Variants in IGF1R observed in about 807,000 individuals in gnomAD.
IGF1R encodes insulin-like growth factor 1 receptor.
In IGF1R, 44 loss-of-function variants were observed where a neutral mutation model predicts 144.6. The observed-to-expected ratio is 0.30, with a 90% confidence interval of 0.24 to 0.39. The LOEUF (loss-of-function observed/expected upper bound fraction) is 0.39. IGF1R is among the 10% of genes least tolerant of loss of function. The pLI, the probability that IGF1R is intolerant of heterozygous loss-of-function variation, is 1.00. For missense variants in IGF1R, 1,355 were observed against 1,833.7 expected, an observed-to-expected ratio of 0.74 and a Z score of 4.77; for synonymous variants, 795 against 722.8, an observed-to-expected ratio of 1.10 and a Z score of -1.60.
Position 98,960,907 on chromosome 15 carries a change from C to T in IGF1R, c.*3465C>T, listed in dbSNP as rs1263531562. 4 of 234,010 alleles carry T rather than the reference C, an allele frequency of 1.7e-5. No individual in the cohort carries two copies. The highest frequency in any genetic ancestry group is 2.5e-3 in the Middle Eastern group (2 of 790). The allele number at this position is 234,010 out of a possible 1,614,324, so 14.5% of individuals were successfully genotyped here. On this transcript the variant is annotated 3_prime_UTR_variant, in exon 21 of 21. Coordinates refer to ENST00000650285, the MANE Select transcript of IGF1R (RefSeq NM_000875.5). ...GGCGCCGAGGCTCGTGGCGTCACGCCCCCCCCGCCAGGGCTGTACCTCCGT... is the reference window on the plus strand; with the variant it reads ...GGCGCCGAGGCTCGTGGCGTCACGCTCCCCCCGCCAGGGCTGTACCTCCGT...
intron 2 of IGF1R, among the ~76,000 whole-genome samples, chr15:98,768,785 G>T (rs1205352653): frequency 2.0e-5 from 1 of 48,794 alleles, no homozygotes; most frequent in Non-Finnish European, 5.4e-5. Context: ...AAAAAAAGCC[G>T]GGCGCGGTGC....
rs754967565 is a variant in IGF1R at position 98,911,299 on chromosome 15, G to A, written c.1463-16G>A. On this transcript the variant is annotated splice_polypyrimidine_tract_variant and intron_variant, in intron 6 of 20. Coordinates refer to ENST00000650285, the MANE Select transcript of IGF1R (RefSeq NM_000875.5). ...ACATGAATCTCTGTCACTCACGGATGTACTCTTTGCCCCAGGTGAAAGTGA... is the reference window on the plus strand; with the variant it reads ...ACATGAATCTCTGTCACTCACGGATATACTCTTTGCCCCAGGTGAAAGTGA... 6 of 1,613,942 alleles carry A rather than the reference G, an allele frequency of 3.7e-6. No individual in the cohort carries two copies. The Admixed American group carries it at 8.3e-5, about 22-fold the overall frequency.
intron 2 of IGF1R, among the ~76,000 whole-genome samples, chr15:98,839,402 C>G (rs2011138123): frequency 6.6e-6 from 1 of 152,178 alleles, no homozygotes; most frequent in South Asian, 2.1e-4. Flanking sequence ...ACCACCATCA[C>G]CACCCACCCT....
intron 1 of IGF1R, among the ~76,000 whole-genome samples, chr15:98,665,176 C>T (rs1007835393): frequency 6.6e-6 from 1 of 152,164 alleles, no homozygotes; most frequent in Non-Finnish European, 1.5e-5. Flanking sequence ...TGGTCTTGAT[C>T]TCCTGACCTT....
chr15:98,774,899 C>A (rs186517506), intron 2 of IGF1R, among the ~76,000 whole-genome samples: 1 of 152,048 alleles, frequency 6.6e-6, no homozygotes, highest in Non-Finnish European at 1.5e-5. Flanking sequence ...GAGTAGTACT[C>A]GACTCATTAT....
intron 2 of IGF1R, among the ~76,000 whole-genome samples, chr15:98,843,073 A>G (rs2011203434): frequency 6.6e-6 from 1 of 152,172 alleles, no homozygotes; most frequent in Non-Finnish European, 1.5e-5. Context: ...TGCGTCATTA[A>G]GTTGTGCCTC....
In IGF1R at chr15:98,913,127, C is replaced by T. The variant is rs1225027488; in HGVS notation, c.1673C>T (p.Pro558Leu). The T allele has an allele frequency of 6.2e-7, 1 of 1,614,214 alleles. No homozygotes were observed. Among genetic ancestry groups the T allele is most frequent in the Non-Finnish European group, 8.5e-7 (1 of 1,180,024 alleles). ...SWNMVDVDLP[P>L]NKDVEPGILL... ...AACATGGTGGACGTGGACCTCCCGC[C>T]CAACAAGGACGTGGAGCCCGGCATC... is the stretch of plus-strand genomic sequence containing the variant. Residue 558 changes from proline to leucine, a missense_variant, in exon 8 of 21, where the codon CCC (proline) becomes CTC (leucine). Around this residue, in one of 7 missense-constraint regions of IGF1R, gnomAD observed 880 missense variants for 1,202.7 expected, o/e 0.73. Coordinates refer to ENST00000650285, the MANE Select transcript of IGF1R (RefSeq NM_000875.5).
chr15:98,758,244 C>T (rs1344845065), intron 2 of IGF1R, among the ~76,000 whole-genome samples: 1 of 151,472 alleles, frequency 6.6e-6, no homozygotes, highest in Non-Finnish European at 1.5e-5. Flanking sequence ...TTTTATACTC[C>T]AATTGTGTCT....
rs1323787754 is a variant in IGF1R at position 98,924,516 on chromosome 15, T to C, written c.2623-9T>C. 6.2e-7 allele frequency: 1 copy of C among 1,614,084 alleles called. No individual in the cohort carries two copies. Among genetic ancestry groups the C allele is most frequent in the Non-Finnish European group, 8.5e-7 (1 of 1,179,926 alleles). ...ATGGGAAATTGACATGTATGTTTTA[T>C]TTCCCCAGGATCAGCGAGAATGTGT... On this transcript the variant is annotated splice_polypyrimidine_tract_variant and intron_variant, in intron 12 of 20. Transcript: ENST00000650285.
chr15:98,691,974 C>A lies in IGF1R; in HGVS notation c.95-15588C>A, dbSNP rs940318885. 2.0e-5 allele frequency among the ~76,000 whole-genome samples: 3 copies of A among 152,268 alleles called. No individual in the cohort carries two copies. In the East Asian group the frequency reaches 5.8e-4, roughly 29 times the overall value. On this transcript the variant is annotated intron_variant, in intron 1 of 20. Coordinates refer to ENST00000650285, the MANE Select transcript of IGF1R (RefSeq NM_000875.5). ...TAGGAGAGTGCCTGTTGCCCCATGT[C>A]CTCACTCAAGCTTGGTGTTATTAGA...
intron 2 of IGF1R, among the ~76,000 whole-genome samples, chr15:98,815,013 T>G (rs2056666074): frequency 6.8e-6 from 1 of 146,470 alleles, no homozygotes. Flanking sequence ...TTAGTTCAGC[T>G]TTTTTTCTTA....
chr15:98,901,404 C>T (rs1251766940), intron 5 of IGF1R, among the ~76,000 whole-genome samples: 2 of 152,208 alleles, frequency 1.3e-5, no homozygotes, highest in East Asian at 3.9e-4. Flanking sequence ...GGGAAGTTTT[C>T]TCTCACCCTG....
At chr15:98,868,070 G>A (rs1002520967) in intron 2 of IGF1R, among the ~76,000 whole-genome samples, 7 of 152,080 alleles carry the variant, frequency 4.6e-5, no homozygotes, top group Non-Finnish European at 1.5e-5. Flanking sequence ...TTGTGGTGGT[G>A]CATGCCTGTA....
intron 20 of IGF1R, chr15:98,952,751 C>G (rs1167372052): frequency 6.6e-6 from 1 of 152,312 alleles, no homozygotes; most frequent in East Asian, 1.9e-4. Flanking sequence ...AGGGCACTTC[C>G]TGTTCTCAGC....
chr15:98,931,338 A>T (rs2015932959), intron 15 of IGF1R, among the ~76,000 whole-genome samples: 1 of 152,220 alleles, frequency 6.6e-6, no homozygotes, highest in Non-Finnish European at 1.5e-5. Flanking sequence ...GATGCAGGAG[A>T]TGTGAAATAA....
chr15:98,778,082 T>C (rs2055764314), intron 2 of IGF1R, among the ~76,000 whole-genome samples: 1 of 152,184 alleles, frequency 6.6e-6, no homozygotes, highest in Admixed American at 6.5e-5. Flanking sequence ...ACTAATCTTT[T>C]AGGGGGTGAG....
At chr15:98,854,652 C>T (rs1325497856) in intron 2 of IGF1R, among the ~76,000 whole-genome samples, 1 of 152,188 alleles carries the variant, frequency 6.6e-6, no homozygotes, top group Non-Finnish European at 1.5e-5. Flanking sequence ...CACGTCTGAA[C>T]AACCAAAGCA....
intron 2 of IGF1R, among the ~76,000 whole-genome samples, chr15:98,843,177 A>G (rs2011206365): frequency 3.3e-5 from 5 of 152,196 alleles, no homozygotes; most frequent in Admixed American, 3.3e-4. Flanking sequence ...CTGTGCTACA[A>G]TCCTAACATG....
At chr15:98,674,850 A>G (rs1212811608) in intron 1 of IGF1R, among the ~76,000 whole-genome samples, 1 of 152,076 alleles carries the variant, frequency 6.6e-6, no homozygotes, top group African/African-American at 2.4e-5. Context: ...AATTAGTAGT[A>G]TACTATGTAC....
Sources: allele counts gnomAD v4.1 joint callset (sites outside exome capture counted in the v4.1 genomes callset), GRCh38; gene constraint gnomAD v4.1.1; regional missense constraint gnomAD v4.1.1; transcripts MANE v1.5; gene names NCBI Gene and HGNC (gene_info 2026-07-23, HGNC 2026-07-21).